LRRC37A2: variants seen among roughly 807,000 people sequenced by gnomAD.
LRRC37A2 encodes the protein leucine-rich repeat-containing protein 37A2.
A neutral mutation model predicts 68.8 loss-of-function variants in LRRC37A2; 9 were observed. The observed-to-expected ratio is 0.13, with a 90% CI of 0.08 to 0.23. The LOEUF (loss-of-function observed/expected upper bound fraction) is 0.23, where lower values mean the gene tolerates loss of function less well. Ranked by LOEUF, LRRC37A2 falls within the 10% of genes least tolerant of loss-of-function variation. The pLI is 1.00. For missense variants in LRRC37A2, 168 were observed against 950.4 expected (o/e 0.18, Z 10.82); for synonymous variants, 63 against 367.6 (o/e 0.17, Z 9.48).
At chr17:46,543,907 A>T (rs1192372769) in intron 8 of LRRC37A2, among the ~76,000 whole-genome samples, 2 of 148,274 alleles carry the variant, frequency 1.3e-5, no homozygotes, top group Admixed American at 6.6e-5. Flanking sequence ...GCTTGTGCCC[A>T]GGAGTTCGAG....
At chr17:46,984,189 G>C in the LRRC37A2 span, 1 of 152,178 alleles carries the variant, frequency 6.6e-6, no homozygotes, top group South Asian at 2.1e-4. Flanking sequence ...AGAAAATAGA[G>C]GCCTGGAAAG....
the LRRC37A2 span, among the ~76,000 whole-genome samples, chr17:47,014,657 G>T: frequency 6.6e-6 from 1 of 151,680 alleles, no homozygotes; most frequent in Non-Finnish European, 1.5e-5. Context: ...CAGGAGAGGG[G>T]TTAGTCTCCC....
chr17:46,725,954 G>T, the LRRC37A2 span, among the ~76,000 whole-genome samples: 1 of 152,116 alleles, frequency 6.6e-6, no homozygotes, highest in Non-Finnish European at 1.5e-5. Flanking sequence ...GGCTAAAACC[G>T]TTCCTTCACT....
At chr17:46,692,998 T>C in the LRRC37A2 span, 1 of 1,609,472 alleles carries the variant, frequency 6.2e-7, no homozygotes, top group East Asian at 2.2e-5. Flanking sequence ...CGGGAGTTCA[T>C]GACACTGTTG....
At chr17:46,944,736 A>T in the LRRC37A2 span, among the ~76,000 whole-genome samples, 4 of 151,240 alleles carry the variant, frequency 2.6e-5, no homozygotes, top group African/African-American at 7.3e-5. Flanking sequence ...AGTGGCTAGG[A>T]TTACAGGCAC....
At chr17:46,818,503 A>T in the LRRC37A2 span, 4 of 1,599,946 alleles carry the variant, frequency 2.5e-6, no homozygotes, top group Non-Finnish European at 3.4e-6. Context: ...CGGGCAGACA[A>T]GAGGCGAGTC....
At chr17:46,861,886 G>A in the LRRC37A2 span, among the ~76,000 whole-genome samples, 12 of 152,178 alleles carry the variant, frequency 7.9e-5, no homozygotes, top group African/African-American at 2.7e-4. Flanking sequence ...AAAGTAGGCC[G>A]GGTGCAGTGG....
the LRRC37A2 span, among the ~76,000 whole-genome samples, chr17:46,716,549 G>A: frequency 6.6e-6 from 1 of 152,114 alleles, no homozygotes; most frequent in African/African-American, 2.4e-5. Context: ...GAGCCACCGC[G>A]CCCGGCCTGC....
the LRRC37A2 span, among the ~76,000 whole-genome samples, chr17:46,796,066 G>A: frequency 2.6e-5 from 4 of 152,174 alleles, no homozygotes; most frequent in Admixed American, 6.5e-5. Context: ...TCCGCAGGTG[G>A]TAGGTGGCAC....
the LRRC37A2 span, chr17:46,932,497 A>G: frequency 1.7e-6 from 1 of 592,246 alleles, no homozygotes; most frequent in Non-Finnish European, 3.0e-6. Flanking sequence ...CATGGTGGAA[A>G]CGTTTTTCTG....
the LRRC37A2 span, among the ~76,000 whole-genome samples, chr17:46,424,608 C>T: frequency 1.8e-5 from 2 of 109,634 alleles, no homozygotes; most frequent in South Asian, 4.1e-4. Flanking sequence ...TTTTAAAAAG[C>T]GTTACTTTAT....
the LRRC37A2 span, among the ~76,000 whole-genome samples, chr17:46,846,512 C>G: frequency 6.6e-6 from 1 of 152,222 alleles, no homozygotes; most frequent in East Asian, 1.9e-4. Context: ...GCACAAAGTA[C>G]AGTTGTGCCA....
the LRRC37A2 span, among the ~76,000 whole-genome samples, chr17:46,877,767 T>C: frequency 6.6e-6 from 1 of 152,228 alleles, no homozygotes; most frequent in African/African-American, 2.4e-5. Context: ...TCACGAGCTA[T>C]GACTTGAAGT....
At chr17:46,418,479 G>GT in the LRRC37A2 span, among the ~76,000 whole-genome samples, 1,246 of 31,432 alleles carry the variant, frequency 0.04, 99 homozygotes, top group African/African-American at 0.13. Flanking sequence ...TAAGAATCAA[G>GT]TTTTTTTTTC....
the LRRC37A2 span, chr17:46,755,774 T>G: frequency 6.2e-7 from 1 of 1,605,866 alleles, no homozygotes; most frequent in Non-Finnish European, 8.5e-7. Context: ...CTCATCTGTT[T>G]TTTTGTGTTT....
the LRRC37A2 span, among the ~76,000 whole-genome samples, chr17:46,781,390 G>A: frequency 6.6e-6 from 1 of 150,832 alleles, no homozygotes; most frequent in Non-Finnish European, 1.5e-5. Flanking sequence ...GCCAGCTTAG[G>A]CAACAGAGTA....
At chr17:46,602,985 A>G in the LRRC37A2 span, among the ~76,000 whole-genome samples, 2 of 111,774 alleles carry the variant, frequency 1.8e-5, no homozygotes, top group Non-Finnish European at 3.6e-5. Context: ...TGTTTATTCT[A>G]TTATTTAAAT....
the LRRC37A2 span, among the ~76,000 whole-genome samples, chr17:46,836,039 A>C: frequency 6.6e-6 from 1 of 150,566 alleles, no homozygotes; most frequent in Non-Finnish European, 1.5e-5. Flanking sequence ...GAGGATGGTC[A>C]GGGTCATAGT....
the LRRC37A2 span, among the ~76,000 whole-genome samples, chr17:46,886,928 T>C: frequency 1.3e-5 from 2 of 152,178 alleles, no homozygotes; most frequent in East Asian, 1.9e-4. Context: ...GCAATTCTCC[T>C]GCCTCAGCCT....
Sources: allele counts gnomAD v4.1 joint callset (sites outside exome capture counted in the v4.1 genomes callset), GRCh38; gene constraint gnomAD v4.1.1; transcripts MANE v1.5; gene names NCBI Gene and HGNC (gene_info 2026-07-23, HGNC 2026-07-21).